RALYL: variants seen among roughly 807,000 people sequenced by gnomAD.
The protein encoded by RALYL is RNA-binding Raly-like protein.
In RALYL, 29 loss-of-function variants were observed where a neutral mutation model predicts 35.1. That is an observed-to-expected ratio of 0.83 (90% CI 0.61 to 1.13). RALYL has a LOEUF of 1.13. Among genes scored for constraint, RALYL ranks in the 50% most tolerant of loss-of-function variants. The pLI, the probability that RALYL is intolerant of heterozygous loss-of-function variation, is 0.00. For missense variants in RALYL, 359 were observed against 360.4 expected (o/e 1.00, Z 0.03); for synonymous variants, 120 against 127.6 (o/e 0.94, Z 0.40).
At chr8:84,515,262 A>G (rs1346774567) in intron 1 of RALYL, among the ~76,000 whole-genome samples, 1 of 152,138 alleles carries the variant, frequency 6.6e-6, no homozygotes, top group East Asian at 1.9e-4. Context: ...CTTTTTCTTT[A>G]TGCATGAAGG....
rs564569910 is a variant in RALYL at position 84,810,670 on chromosome 8, G to GTGTT, written c.365+5869_365+5872dup. ...TTGTTTTATAAATTTGGAAGCTCCA[G>GTGTT]TGTTAGGTGCATATATGTTTAGGAT... is the stretch of plus-strand genomic sequence containing the variant. On this transcript the variant is annotated intron_variant, in intron 4 of 8. Transcript: ENST00000521268. 4.0e-3 allele frequency among the ~76,000 whole-genome samples: 602 copies of GTGTT among 152,246 alleles called. 1 individual carries two copies. Among genetic ancestry groups the GTGTT allele is most frequent in the Non-Finnish European group, 4.4e-3 (300 of 68,002 alleles).
intron 5 of RALYL, among the ~76,000 whole-genome samples, chr8:84,857,285 T>C (rs1207952566): frequency 6.6e-6 from 1 of 152,130 alleles, no homozygotes; most frequent in Admixed American, 6.5e-5. Flanking sequence ...TTATCAGGTT[T>C]TGCCTCTGGG....
In RALYL at chr8:84,353,987, T is replaced by C. The variant is rs556757538; in HGVS notation, c.-24+169563T>C. ...ATCTTTTGAAAGTCTGGAGTTGTTGTCAATGACTCACAGTGACAAAGTGCT... is the reference window on the plus strand; with the variant it reads ...ATCTTTTGAAAGTCTGGAGTTGTTGCCAATGACTCACAGTGACAAAGTGCT... On this transcript the variant is annotated intron_variant, in intron 1 of 8. Coordinates refer to ENST00000521268, the MANE Select transcript of RALYL (RefSeq NM_173848.7). Among the ~76,000 whole-genome samples, 222 of 150,178 alleles carry C rather than the reference T, an allele frequency of 1.5e-3. 11 individuals carry two copies. Among genetic ancestry groups the C allele is most frequent in the Non-Finnish European group, 2.6e-3 (175 of 67,632 alleles).
chr8:84,871,865 A>G (rs1280075862), intron 6 of RALYL, among the ~76,000 whole-genome samples: 3 of 152,174 alleles, frequency 2.0e-5, no homozygotes, highest in Non-Finnish European at 4.4e-5. Flanking sequence ...ATAACATATC[A>G]TGTATATTAT....
intron 1 of RALYL, among the ~76,000 whole-genome samples, chr8:84,421,524 T>A (rs1454206324): frequency 2.1e-5 from 3 of 143,782 alleles, no homozygotes; most frequent in African/African-American, 7.8e-5. Flanking sequence ...CTTTTCCTAA[T>A]TGAATACCCT....
intron 1 of RALYL, among the ~76,000 whole-genome samples, chr8:84,467,000 AT>A (rs1164677806): frequency 6.6e-6 from 1 of 151,922 alleles, no homozygotes; most frequent in Non-Finnish European, 1.5e-5. Flanking sequence ...CCCCTTTATC[AT>A]TTTTTATTGC....
chr8:84,640,838 A>G (rs1442227231), intron 2 of RALYL, among the ~76,000 whole-genome samples: 2 of 152,006 alleles, frequency 1.3e-5, no homozygotes, highest in African/African-American at 4.8e-5. Context: ...AATTTTATTA[A>G]GAGCCAATTA....
intron 1 of RALYL, among the ~76,000 whole-genome samples, chr8:84,386,233 C>T (rs1859169494): frequency 1.3e-5 from 2 of 151,790 alleles, no homozygotes; most frequent in Admixed American, 1.3e-4. Context: ...TTAGCCTTTG[C>T]CCTTATCCAT....
chr8:84,360,088 G>T (rs962351749), intron 1 of RALYL, among the ~76,000 whole-genome samples: 30 of 152,022 alleles, frequency 2.0e-4, no homozygotes, highest in Admixed American at 9.2e-4. Flanking sequence ...GCCCAGGCTG[G>T]TCTTGAATTC....
At chr8:84,729,434 A>G (rs1469474527) in intron 2 of RALYL, among the ~76,000 whole-genome samples, 1 of 152,066 alleles carries the variant, frequency 6.6e-6, no homozygotes, top group Non-Finnish European at 1.5e-5. Flanking sequence ...GAAAGCAGGA[A>G]AGATCCAAAA....
At chr8:84,518,807 T>G (rs2058250446) in intron 1 of RALYL, among the ~76,000 whole-genome samples, 2 of 152,156 alleles carry the variant, frequency 1.3e-5, no homozygotes, top group African/African-American at 4.8e-5. Flanking sequence ...TGAAATCACT[T>G]AGCGATCTTA....
At chr8:84,519,043 G>A (rs1020841194) in intron 1 of RALYL, among the ~76,000 whole-genome samples, 2 of 152,154 alleles carry the variant, frequency 1.3e-5, no homozygotes, top group Admixed American at 6.5e-5. Context: ...TACAAGAACA[G>A]TCTTCTTATT....
chr8:84,552,039 AGT>A (rs1407495437), intron 2 of RALYL, among the ~76,000 whole-genome samples: 3 of 152,010 alleles, frequency 2.0e-5, no homozygotes, highest in African/African-American at 7.2e-5. Flanking sequence ...GAGAGAGTTC[AGT>A]ACATTTTGAT....
intron 2 of RALYL, among the ~76,000 whole-genome samples, chr8:84,633,934 A>G (rs181136829): frequency 1.7e-4 from 26 of 151,992 alleles, no homozygotes; most frequent in Admixed American, 9.8e-4. Flanking sequence ...TCACGAAATT[A>G]CAGGTTTGTA....
chr8:84,439,764 C>A (rs983066874), intron 1 of RALYL, among the ~76,000 whole-genome samples: 1 of 151,996 alleles, frequency 6.6e-6, no homozygotes. Context: ...AATTTAATAA[C>A]CTGTCAGATT....
At chr8:84,806,055 C>T (rs1824524751) in intron 4 of RALYL, among the ~76,000 whole-genome samples, 1 of 152,154 alleles carries the variant, frequency 6.6e-6, no homozygotes, top group African/African-American at 2.4e-5. Flanking sequence ...TGTACATGGT[C>T]ATTGAATATT....
intron 1 of RALYL, among the ~76,000 whole-genome samples, chr8:84,339,390 A>G (rs1251012959): frequency 1.3e-5 from 2 of 151,948 alleles, no homozygotes; most frequent in Non-Finnish European, 2.9e-5. Context: ...GATTAATGGC[A>G]GGATTAGATT....
intron 2 of RALYL, among the ~76,000 whole-genome samples, chr8:84,623,349 C>T (rs1821991284): frequency 6.6e-6 from 1 of 152,014 alleles, no homozygotes; most frequent in African/African-American, 2.4e-5. Flanking sequence ...TAATCACTAC[C>T]CATTTTCACT....
chr8:84,464,252 T>C (rs191936604), intron 1 of RALYL, among the ~76,000 whole-genome samples: 4,524 of 151,996 alleles, frequency 0.03, 114 homozygotes, highest in Non-Finnish European at 0.038. Context: ...TAACTCGTCA[T>C]CTAGCATTAG....
Sources: gnomAD v4.1 joint callset for allele counts (sites outside exome capture counted in the v4.1 genomes callset) on GRCh38, gnomAD v4.1.1 for gene constraint, MANE v1.5 for transcripts, NCBI Gene and HGNC (gene_info 2026-07-23, HGNC 2026-07-21) for gene names.